The following GRIK1 variants were observed in gnomAD, a reference collection of about 807,000 sequenced individuals.
GRIK1 encodes glutamate ionotropic receptor kainate type subunit 1.
GRIK1 carries 69 observed loss-of-function variants against 105.7 expected under a neutral mutation model. The observed-to-expected ratio is 0.65, with a 90% CI of 0.54 to 0.80. GRIK1 has a LOEUF of 0.80. GRIK1 is among the 30% of genes least tolerant of loss of function. The pLI is 0.00. For synonymous variants in GRIK1, 438 were observed against 431.3 expected, an observed-to-expected ratio of 1.02 and a Z score of -0.19; for missense variants, 1,109 against 1,167.3, an observed-to-expected ratio of 0.95 and a Z score of 0.73.
intron 14 of GRIK1, among the ~76,000 whole-genome samples, chr21:29,569,748 G>C (rs2090696794): frequency 6.6e-6 from 1 of 152,132 alleles, no homozygotes; most frequent in Non-Finnish European, 1.5e-5. Context: ...ATCACTGTGA[G>C]ACCACAGTTT....
chr21:29,676,092 A>G (rs1250644144), intron 3 of GRIK1, among the ~76,000 whole-genome samples: 1 of 152,238 alleles, frequency 6.6e-6, no homozygotes, highest in Non-Finnish European at 1.5e-5. Context: ...TTGTTTCATA[A>G]AAGAAGGTAT....
intron 3 of GRIK1, among the ~76,000 whole-genome samples, chr21:29,685,675 G>C (rs147820234): frequency 6.6e-6 from 1 of 152,156 alleles, no homozygotes; most frequent in East Asian, 1.9e-4. Context: ...GTCATTATTA[G>C]CCATTAACAC....
intron 1 of GRIK1, among the ~76,000 whole-genome samples, chr21:29,893,842 T>A (rs2070003723): frequency 6.6e-6 from 1 of 152,088 alleles, no homozygotes; most frequent in Non-Finnish European, 1.5e-5. Context: ...GAGGCCTGAG[T>A]GAATCAGGAT....
intron 16 of GRIK1, among the ~76,000 whole-genome samples, chr21:29,554,508 C>T (rs2090198687): frequency 6.6e-6 from 1 of 151,992 alleles, no homozygotes; most frequent in Non-Finnish European, 1.5e-5. Flanking sequence ...ATTGCATTTT[C>T]ATTTTGTATT....
intron 1 of GRIK1, among the ~76,000 whole-genome samples, chr21:29,770,048 G>A (rs74542653): frequency 0.015 from 2,337 of 152,174 alleles, 62 homozygotes; most frequent in African/African-American, 0.053. Context: ...AAATTCCCAC[G>A]AGTGCTATTC....
intron 1 of GRIK1, among the ~76,000 whole-genome samples, chr21:29,918,067 G>A (rs527857213): frequency 1.3e-5 from 2 of 152,056 alleles, no homozygotes; most frequent in Non-Finnish European, 2.9e-5. Flanking sequence ...TAGATAAATG[G>A]TGATGGTTTA....
intron 16 of GRIK1, among the ~76,000 whole-genome samples, chr21:29,538,822 G>A (rs955915477): frequency 2.0e-5 from 3 of 152,028 alleles, no homozygotes; most frequent in African/African-American, 7.2e-5. Context: ...GAAAATGTTC[G>A]TTTTGTTCCA....
chr21:29,837,546 G>A (rs541210984), intron 1 of GRIK1, among the ~76,000 whole-genome samples: 2 of 152,236 alleles, frequency 1.3e-5, no homozygotes, highest in African/African-American at 4.8e-5. Context: ...CAATGGGGGG[G>A]AATGACAGCA....
At chr21:29,755,096 T>C (rs1442580081) in intron 1 of GRIK1, among the ~76,000 whole-genome samples, 3 of 152,266 alleles carry the variant, frequency 2.0e-5, no homozygotes, top group Non-Finnish European at 2.9e-5. Context: ...CATATTTGAA[T>C]ACACAAATTC....
intron 1 of GRIK1, among the ~76,000 whole-genome samples, chr21:29,725,899 G>A (rs1355909503): frequency 2.6e-5 from 4 of 152,152 alleles, no homozygotes; most frequent in Non-Finnish European, 5.9e-5. Flanking sequence ...GTGGATTTCT[G>A]ATTTTTCAGA....
chr21:29,681,881 G>C (rs1346248582), intron 3 of GRIK1, among the ~76,000 whole-genome samples: 2 of 152,196 alleles, frequency 1.3e-5, no homozygotes, highest in Non-Finnish European at 2.9e-5. Flanking sequence ...TGAAGAAACA[G>C]ATGATCTACC....
At chr21:29,868,438 A>G (rs1310537592) in intron 1 of GRIK1, among the ~76,000 whole-genome samples, 1 of 152,206 alleles carries the variant, frequency 6.6e-6, no homozygotes, top group Non-Finnish European at 1.5e-5. Context: ...CCTGTTACAA[A>G]GCGGTATAAT....
chr21:29,661,907 G>A (rs1287682214), intron 4 of GRIK1, among the ~76,000 whole-genome samples: 2 of 152,184 alleles, frequency 1.3e-5, no homozygotes, highest in Admixed American at 1.3e-4. Flanking sequence ...CATGTACACA[G>A]GTGATAAGCT....
At chr21:29,711,322 C>T (rs1470732219) in intron 1 of GRIK1, among the ~76,000 whole-genome samples, 1 of 152,106 alleles carries the variant, frequency 6.6e-6, no homozygotes, top group Non-Finnish European at 1.5e-5. Flanking sequence ...GTATTCAGCA[C>T]AGTAGCATAC....
chr21:29,791,559 T>G lies in GRIK1; in HGVS notation c.119-97496A>C, dbSNP rs148251789. 3.9e-5 allele frequency among the ~76,000 whole-genome samples: 6 copies of G among 152,268 alleles called. No individual in the cohort carries two copies. In the East Asian group the frequency reaches 1.2e-3, roughly 29 times the overall value. ...TTTAGGTAGTTCAATGGGCCTGAAATAGTCCACGCATGATGTTGAACTGTA... is the reference window on the plus strand; with the variant it reads ...TTTAGGTAGTTCAATGGGCCTGAAAGAGTCCACGCATGATGTTGAACTGTA... On this transcript the variant is annotated intron_variant, in intron 1 of 17. Coordinates refer to ENST00000327783, the MANE Select transcript of GRIK1 (RefSeq NM_001330994.2).
intron 1 of GRIK1, among the ~76,000 whole-genome samples, chr21:29,823,754 T>G (rs2067369356): frequency 6.6e-6 from 1 of 151,952 alleles, no homozygotes; most frequent in Admixed American, 6.6e-5. Context: ...TACTGTTTTG[T>G]TTTAACCTGT....
chr21:29,788,962 G>A (rs375000030), intron 1 of GRIK1, among the ~76,000 whole-genome samples: 4 of 152,312 alleles, frequency 2.6e-5, no homozygotes, highest in African/African-American at 9.6e-5. Flanking sequence ...TCCCCTGCTG[G>A]TGTGTGGCCC....
intron 16 of GRIK1, among the ~76,000 whole-genome samples, chr21:29,542,570 C>T (rs549697880): frequency 1.3e-5 from 2 of 152,256 alleles, no homozygotes; most frequent in African/African-American, 4.8e-5. Flanking sequence ...TTTGAGTTTG[C>T]AGTATTCAAA....
chr21:29,879,855 A>AT (rs34450219), intron 1 of GRIK1, among the ~76,000 whole-genome samples: 132 of 150,874 alleles, frequency 8.7e-4, no homozygotes, highest in African/African-American at 2.9e-3. Flanking sequence ...CAGTTCTTTG[A>AT]TTTTTTTTTT....
Sources: allele counts gnomAD v4.1 joint callset (sites outside exome capture counted in the v4.1 genomes callset), GRCh38; gene constraint gnomAD v4.1.1; transcripts MANE v1.5; gene names NCBI Gene and HGNC (gene_info 2026-07-23, HGNC 2026-07-21).